ZBTB20: variants seen among roughly 807,000 people sequenced by gnomAD.
The protein encoded by ZBTB20 is zinc finger and BTB domain-containing protein 20.
ZBTB20 carries 9 observed loss-of-function variants against 56.9 expected under a neutral mutation model. The ratio of observed to expected loss-of-function variants is 0.16; its 90% CI spans 0.10 to 0.28. The LOEUF (loss-of-function observed/expected upper bound fraction) is 0.28. Ranked by LOEUF, ZBTB20 falls within the 10% of genes least tolerant of loss-of-function variation. The probability of loss-of-function intolerance (pLI) is 1.00; values close to 1 mark genes in which losing one functional copy is unlikely to be tolerated. For missense variants in ZBTB20, 655 were observed against 1,003.0 expected (o/e 0.65, Z 4.69); for synonymous variants, 417 against 420.7 (o/e 0.99, Z 0.11).
At chr3:114,977,628 T>C (rs2078157365) in intron 2 of ZBTB20, among the ~76,000 whole-genome samples, 1 of 152,106 alleles carries the variant, frequency 6.6e-6, no homozygotes, top group Admixed American at 6.6e-5. Context: ...TTCTTATCAG[T>C]ACTAAAATAT....
At chr3:114,891,814 A>T (rs999138608) in intron 4 of ZBTB20, among the ~76,000 whole-genome samples, 2 of 152,202 alleles carry the variant, frequency 1.3e-5, no homozygotes, top group African/African-American at 4.8e-5. Flanking sequence ...TGGGAGGCCC[A>T]GGCAGGTGGA....
In ZBTB20 at chr3:114,655,242, C is replaced by CTTTTTTTTTTTTTTTT. The variant is rs3085998; in HGVS notation, c.-295+38270_-295+38285dup. On this transcript the variant is annotated intron_variant, in intron 6 of 11. Transcript: ENST00000675478. The stretch of plus-strand genomic sequence containing the variant: ...ATTGTTATTCTTCTGTTTTCCTTTC[C>CTTTTTTTTTTTTTTTT]TTTTTTTTTTTTTTTTTTTTTGAGA... 6.5e-5 allele frequency among the ~76,000 whole-genome samples: 6 copies of CTTTTTTTTTTTTTTTT among 91,676 alleles called. 1 individual carries two copies. Among genetic ancestry groups the CTTTTTTTTTTTTTTTT allele is most frequent in the Admixed American group, 1.5e-4 (1 of 6,700 alleles). 60.1% of individuals were successfully genotyped at this position (91,676 alleles called of 152,430 possible).
At chr3:114,476,056 C>T (rs1314806539) in intron 7 of ZBTB20, among the ~76,000 whole-genome samples, 1 of 151,970 alleles carries the variant, frequency 6.6e-6, no homozygotes, top group African/African-American at 2.4e-5. Flanking sequence ...AATAAAAAAT[C>T]TTAAAAATCC....
chr3:115,113,918 A>G (rs2083950109), intron 1 of ZBTB20, among the ~76,000 whole-genome samples: 1 of 152,076 alleles, frequency 6.6e-6, no homozygotes, highest in South Asian at 2.1e-4. Flanking sequence ...CCCTGGATTG[A>G]AGTTCCTCTT....
At chr3:114,884,544 C>A (rs923529459) in intron 4 of ZBTB20, among the ~76,000 whole-genome samples, 10 of 152,086 alleles carry the variant, frequency 6.6e-5, no homozygotes, top group African/African-American at 2.2e-4. Context: ...AAGGAAAATT[C>A]AATCAAAGAT....
intron 1 of ZBTB20, among the ~76,000 whole-genome samples, chr3:115,079,761 A>G (rs924713615): frequency 6.6e-6 from 1 of 152,208 alleles, no homozygotes; most frequent in Non-Finnish European, 1.5e-5. Context: ...AATTCACTCC[A>G]TTCTTCGTAA....
intron 6 of ZBTB20, among the ~76,000 whole-genome samples, chr3:114,535,015 C>T (rs1213709925): frequency 1.3e-5 from 2 of 152,172 alleles, no homozygotes; most frequent in African/African-American, 4.8e-5. Flanking sequence ...ATTTATAGCA[C>T]TAAATGCCCA....
At chr3:115,024,169 C>T (rs1167039340) in intron 2 of ZBTB20, among the ~76,000 whole-genome samples, 3 of 151,038 alleles carry the variant, frequency 2.0e-5, no homozygotes, top group Non-Finnish European at 3.0e-5. Context: ...TCTTTAGACC[C>T]TCCCTTTTTC....
chr3:114,461,663 G>A (rs961889368), intron 7 of ZBTB20, among the ~76,000 whole-genome samples: 12 of 152,104 alleles, frequency 7.9e-5, no homozygotes, highest in Admixed American at 4.6e-4. Flanking sequence ...TTCAGTTACC[G>A]CTTACATTCT....
At chr3:114,837,638 G>A (rs966245956) in intron 4 of ZBTB20, among the ~76,000 whole-genome samples, 2 of 152,098 alleles carry the variant, frequency 1.3e-5, no homozygotes, top group African/African-American at 4.8e-5. Context: ...CTCAGGGAGA[G>A]CAATCCGGGA....
chr3:114,586,715 C>T (rs2055205426), intron 6 of ZBTB20, among the ~76,000 whole-genome samples: 1 of 152,158 alleles, frequency 6.6e-6, no homozygotes. Context: ...GATTTGAGAT[C>T]AAGAATTCAA....
At chr3:114,853,846 G>A (rs968430384) in intron 4 of ZBTB20, among the ~76,000 whole-genome samples, 18 of 152,302 alleles carry the variant, frequency 1.2e-4, no homozygotes, top group African/African-American at 3.8e-4. Flanking sequence ...AAAGTTATGT[G>A]TGAGTTGCTT....
At chr3:114,885,983 G>T (rs1323816416) in intron 4 of ZBTB20, among the ~76,000 whole-genome samples, 2 of 152,164 alleles carry the variant, frequency 1.3e-5, no homozygotes, top group Non-Finnish European at 2.9e-5. Context: ...AAACATACTT[G>T]TAATATCCTA....
intron 1 of ZBTB20, among the ~76,000 whole-genome samples, chr3:115,111,100 A>C (rs2083868902): frequency 6.6e-6 from 1 of 151,996 alleles, no homozygotes; most frequent in African/African-American, 2.4e-5. Context: ...GAATGGATTG[A>C]ATTTACTTAT....
At chr3:115,116,713 A>C (rs553791358) in intron 1 of ZBTB20, among the ~76,000 whole-genome samples, 3 of 152,196 alleles carry the variant, frequency 2.0e-5, no homozygotes, top group African/African-American at 7.2e-5. Flanking sequence ...AGAAAGAGAA[A>C]GAAAGAGAGA....
chr3:114,582,015 T>C (rs1234699136), intron 6 of ZBTB20: 1 of 152,212 alleles, frequency 6.6e-6, no homozygotes, highest in Non-Finnish European at 1.5e-5. Flanking sequence ...ATTTTAGTAA[T>C]ACATACAGAA....
intron 1 of ZBTB20, among the ~76,000 whole-genome samples, chr3:115,115,417 T>A (rs1020304579): frequency 6.6e-6 from 1 of 152,104 alleles, no homozygotes; most frequent in African/African-American, 2.4e-5. Context: ...TTTTGGTGAT[T>A]TATAACAACA....
intron 6 of ZBTB20, chr3:114,687,213 T>G (rs1381573498): frequency 2.0e-5 from 3 of 152,108 alleles, no homozygotes; most frequent in Non-Finnish European, 4.4e-5. Context: ...AAATGTTTTT[T>G]TTTTTTTTTT....
At chr3:114,434,864 G>A (rs1005382247) in intron 7 of ZBTB20, among the ~76,000 whole-genome samples, 3 of 152,106 alleles carry the variant, frequency 2.0e-5, no homozygotes, top group African/African-American at 7.2e-5. Context: ...ATCCAGGTGG[G>A]AGGCAATCCC....
Sources: gnomAD v4.1 joint callset for allele counts (sites outside exome capture counted in the v4.1 genomes callset) on GRCh38, gnomAD v4.1.1 for gene constraint, MANE v1.5 for transcripts, NCBI Gene and HGNC (gene_info 2026-07-23, HGNC 2026-07-21) for gene names.